The following CYP3A7 variants were observed in gnomAD, a reference collection of about 807,000 sequenced individuals.
CYP3A7 encodes the protein cytochrome P450 family 3 subfamily A member 7.
In CYP3A7, 45 loss-of-function variants were observed where a neutral mutation model predicts 55.2. The ratio of observed to expected loss-of-function variants is 0.82; its 90% confidence interval spans 0.64 to 1.05. The LOEUF (loss-of-function observed/expected upper bound fraction) is 1.05, where lower values mean the gene tolerates loss of function less well. Ranked by LOEUF, CYP3A7 falls within the 50% of genes least tolerant of loss-of-function variation. The pLI is 0.00. For missense variants in CYP3A7, 548 were observed against 605.3 expected (o/e 0.91, Z 0.99); for synonymous variants, 180 against 207.4 (o/e 0.87, Z 1.13).
rs571310701 is a variant in CYP3A7, at chr7:99,732,109, G to T, written c.72-957C>A. Among the ~76,000 whole-genome samples, 18 of 152,268 alleles carry T rather than the reference G, an allele frequency of 1.2e-4. No individual in the cohort carries two copies. In the South Asian group the frequency reaches 3.5e-3, roughly 30 times the overall value. The stretch of plus-strand genomic sequence containing the variant: ...CCTGATAGATGGTGGTTGTATCTTA[G>T]AGGCAGTTTCTCATGGTTTCACACC... On this transcript the variant is annotated intron_variant, in intron 1 of 12. Transcript: ENST00000336374.
intron 1 of CYP3A7, among the ~76,000 whole-genome samples, chr7:99,731,810 T>C (rs1389899509): frequency 3.3e-5 from 5 of 152,172 alleles, no homozygotes; most frequent in African/African-American, 1.2e-4. Context: ...ATTGGCCTCG[T>C]AGAAGTGCGA....
chr7:99,735,186 T>C lies in CYP3A7; in HGVS notation c.-93A>G. On this transcript the variant is annotated 5_prime_UTR_variant, in exon 1 of 13. Transcript: ENST00000336374. The stretch of plus-strand genomic sequence containing the variant: ...CTGTGTGTGTGGAGCTTTCCTGCCC[T>C]GCACAGCAGTGATTCAGTGAGGCTG... 6.7e-7 allele frequency: 1 copy of C among 1,503,512 alleles called. No homozygotes were observed. The highest frequency in any genetic ancestry group is 1.8e-5 in the Admixed American group (1 of 55,882). 93.1% of individuals were successfully genotyped at this position (1,503,512 alleles called of 1,614,324 possible). A position where few individuals can be genotyped will look rare whatever the true frequency, so the allele number is the denominator to read the frequency against.
chr7:99,719,858 C>T (rs1182983960), intron 4 of CYP3A7, among the ~76,000 whole-genome samples: 3 of 152,006 alleles, frequency 2.0e-5, no homozygotes, highest in Non-Finnish European at 2.9e-5. Context: ...ATTAGTAGGG[C>T]GTGGTGGTGC....
chr7:99,709,774 A>ATATG (rs1554428982), intron 10 of CYP3A7, among the ~76,000 whole-genome samples: 2 of 150,170 alleles, frequency 1.3e-5, no homozygotes, highest in Non-Finnish European at 1.5e-5. Context: ...TATTATATAT[A>ATATG]TGTGTGTGTG....
At chr7:99,730,193 C>T (rs1814561957) in intron 2 of CYP3A7, among the ~76,000 whole-genome samples, 1 of 152,180 alleles carries the variant, frequency 6.6e-6, no homozygotes, top group South Asian at 2.1e-4. Flanking sequence ...AGTCCCCAGT[C>T]CATGAGGCAC....
rs748724136 is a variant in CYP3A7 at position 99,720,383 on chromosome 7, G to C, written c.248C>G (p.Ala83Gly). 2 of 1,613,716 alleles carry C rather than the reference G, an allele frequency of 1.2e-6. No individual in the cohort carries two copies. The highest frequency in any genetic ancestry group is 2.2e-5 in the South Asian group (2 of 91,076). ...TTTGATCATGTCGGGATCTGTGATA[G>C]CCAGCATAGGCTGTTGACAGTCATA... ...GIYDCQQPML[A>G]ITDPDMIKTV... is the part of the protein sequence containing the mutation. Residue 83 changes from alanine to glycine, a missense_variant, in exon 4 of 13, where the codon GCT (alanine) becomes GGT (glycine). By Grantham distance (60) the Ala-to-Gly change is moderately conservative (BLOSUM62 0). Coordinates refer to ENST00000336374, the MANE Select transcript of CYP3A7 (RefSeq NM_000765.5).
At chr7:99,728,932 C>T (rs747917071) in intron 2 of CYP3A7, among the ~76,000 whole-genome samples, 2 of 152,166 alleles carry the variant, frequency 1.3e-5, no homozygotes, top group Non-Finnish European at 2.9e-5. Flanking sequence ...TAGTCGTCCT[C>T]CAACATCGCT....
chr7:99,715,865 G>C lies in CYP3A7; in HGVS notation c.563C>G (p.Ser188Ter). The stretch of plus-strand genomic sequence containing the variant: ...GAGAGAGTCGATGCTCACTCCAAAT[G>C]ATGTGCTAGTGATCACATCCATGCT... Reference protein sequence around the residue: ...AYSMDVITSTSFGVSIDSLNN... With the variant: ...AYSMDVITST The change falls in exon 7 of 13, where the codon TCA (serine) becomes TGA (stop). Residue 188 changes from serine (S) to a stop codon, truncating the protein, a stop_gained. Coordinates refer to ENST00000336374, the MANE Select transcript of CYP3A7 (RefSeq NM_000765.5). LOFTEE classifies it high-confidence loss of function. The C allele has an allele frequency of 6.2e-7, 1 of 1,613,888 alleles. No homozygotes were observed. Among genetic ancestry groups the C allele is most frequent in the East Asian group, 2.2e-5 (1 of 44,858 alleles).
At chr7:99,707,731 G>A in intron 12 of CYP3A7, 81 bp downstream of exon 12, 2 of 1,576,046 alleles carry the variant, frequency 1.3e-6, no homozygotes, top group East Asian at 2.4e-5. Context: ...GATTAAGTGA[G>A]TGTATTCTTT....
chr7:99,708,446 C>T (rs962178380), intron 11 of CYP3A7, among the ~76,000 whole-genome samples: 2 of 152,034 alleles, frequency 1.3e-5, no homozygotes, highest in Admixed American at 6.6e-5. Context: ...TCCTCCTTCT[C>T]CTCCCTACCT....
intron 10 of CYP3A7, among the ~76,000 whole-genome samples, chr7:99,709,774 A>ATG (rs139790428): frequency 2.6e-3 from 393 of 149,672 alleles, no homozygotes; most frequent in Middle Eastern, 6.9e-3. Context: ...TATTATATAT[A>ATG]TGTGTGTGTG....
At chr7:99,707,561 C>T (rs1584504085) in intron 12 of CYP3A7, among the ~76,000 whole-genome samples, 1 of 152,164 alleles carries the variant, frequency 6.6e-6, no homozygotes, top group Non-Finnish European at 1.5e-5. Context: ...TAATTTTGCT[C>T]AAGTTCAAGG....
At chr7:99,720,989 G>A (rs1814175262) in intron 3 of CYP3A7, 1 of 154,190 alleles carries the variant, frequency 6.5e-6, no homozygotes, top group Non-Finnish European at 1.4e-5. Context: ...GATGAGAGAA[G>A]ATGAAATACA....
chr7:99,724,656 C>T (rs1814337946), intron 2 of CYP3A7, among the ~76,000 whole-genome samples: 1 of 152,104 alleles, frequency 6.6e-6, no homozygotes, highest in African/African-American at 2.4e-5. Flanking sequence ...CTCCCCTCCT[C>T]ACACCCACTC....
At chr7:99,732,865 G>C (rs1474522258) in intron 1 of CYP3A7, among the ~76,000 whole-genome samples, 1 of 152,100 alleles carries the variant, frequency 6.6e-6, no homozygotes. Context: ...GCAAAAGATG[G>C]AGTATTCCAC....
intron 6 of CYP3A7, among the ~76,000 whole-genome samples, chr7:99,716,125 A>G (rs1221351241): frequency 6.6e-6 from 1 of 152,194 alleles, no homozygotes; most frequent in East Asian, 1.9e-4. Context: ...GAGACACTCA[A>G]CTGAGTTAGA....
intron 6 of CYP3A7, among the ~76,000 whole-genome samples, chr7:99,716,183 C>T (rs1372387349): frequency 1.3e-5 from 2 of 152,162 alleles, no homozygotes; most frequent in African/African-American, 4.8e-5. Flanking sequence ...CAGAGATCCA[C>T]TATCAGACAA....
rs551006132 is a variant in CYP3A7 at position 99,721,803 on chromosome 7, A to G, written c.218+493T>C. On this transcript the variant is annotated intron_variant, in intron 3 of 12. Coordinates refer to ENST00000336374, the MANE Select transcript of CYP3A7 (RefSeq NM_000765.5). ...TGTGTGTGATTAAAAACCTTGACAA[A>G]TAAATCAAAGAAGGCTATGATGAGT... Among the ~76,000 whole-genome samples, 7 of 152,312 alleles carry G rather than the reference A, an allele frequency of 4.6e-5. No homozygotes were observed. In the East Asian group the frequency reaches 1.3e-3, roughly 29 times the overall value.
intron 2 of CYP3A7, among the ~76,000 whole-genome samples, chr7:99,723,178 G>A (rs907110824): frequency 1.3e-5 from 2 of 152,132 alleles, no homozygotes; most frequent in Non-Finnish European, 2.9e-5. Flanking sequence ...AGCCTGCATG[G>A]GTACATCCAG....
Sources: gnomAD v4.1 joint callset for allele counts (sites outside exome capture counted in the v4.1 genomes callset) on GRCh38, gnomAD v4.1.1 for gene constraint, MANE v1.5 for transcripts, NCBI Gene and HGNC (gene_info 2026-07-23, HGNC 2026-07-21) for gene names.